ELOVL2: variants seen among roughly 807,000 people sequenced by gnomAD.
ELOVL2 encodes ELOVL fatty acid elongase 2.
Under a neutral mutation model 37.7 loss-of-function variants are expected in ELOVL2, and 38 were observed. That is an observed-to-expected ratio of 1.01 (90% CI 0.78 to 1.32). The LOEUF (loss-of-function observed/expected upper bound fraction) is 1.32. Among genes scored for constraint, ELOVL2 ranks in the 40% most tolerant of loss-of-function variants. ELOVL2 has a pLI of 0.00. For missense variants in ELOVL2, 352 were observed against 363.6 expected, an observed-to-expected ratio of 0.97 and a Z score of 0.26; for synonymous variants, 115 against 122.3, an observed-to-expected ratio of 0.94 and a Z score of 0.40.
chr6:11,026,582 CT>C (rs1213959041), intron 1 of ELOVL2, among the ~76,000 whole-genome samples: 2 of 152,184 alleles, frequency 1.3e-5, no homozygotes, highest in African/African-American at 4.8e-5. Flanking sequence ...GAAACTGATT[CT>C]TAGAGAGCCT....
intron 4 of ELOVL2, among the ~76,000 whole-genome samples, chr6:10,997,080 G>A (rs1474373758): frequency 6.6e-6 from 1 of 152,106 alleles, no homozygotes; most frequent in Non-Finnish European, 1.5e-5. Context: ...TTAATAATAT[G>A]TCATGTTTAG....
At chr6:11,001,020 T>C (rs1467005934) in intron 3 of ELOVL2, among the ~76,000 whole-genome samples, 2 of 152,208 alleles carry the variant, frequency 1.3e-5, no homozygotes, top group Non-Finnish European at 2.9e-5. Context: ...ATATAAGGCA[T>C]TTGGGATTGA....
chr6:11,000,213 T>C (rs774802069), intron 3 of ELOVL2, 49 bp from the exon 4 acceptor site: 15 of 1,537,652 alleles, frequency 9.8e-6, no homozygotes, highest in Admixed American at 3.4e-5. Flanking sequence ...GCACAAGAAT[T>C]TGGATACAGA....
rs937706922 is a variant in ELOVL2, at chr6:10,982,527, G to A, written c.*1254C>T. On this transcript the variant is annotated 3_prime_UTR_variant, in exon 8 of 8. Transcript: ENST00000354666. ...AAAATATTCTTTGTTTCCATTCTTG[G>A]TAGAGTTTAGTAGTGAGTAACAGTC... is the stretch of plus-strand genomic sequence containing the variant. The A allele has an allele frequency of 2.6e-5, 4 of 152,030 alleles. No individual in the cohort carries two copies. The highest frequency in any genetic ancestry group is 9.7e-5 in the African/African-American group (4 of 41,386). 9.4% of individuals were successfully genotyped at this position (152,030 alleles called of 1,614,324 possible).
intron 2 of ELOVL2, among the ~76,000 whole-genome samples, chr6:11,008,099 A>G (rs1782509819): frequency 6.6e-6 from 1 of 152,050 alleles, no homozygotes; most frequent in African/African-American, 2.4e-5. Flanking sequence ...AGAGGCTAGG[A>G]GACACCGAGA....
In ELOVL2 at chr6:11,010,786, A is replaced by C; in HGVS notation, c.27T>G (p.Asp9Glu). The part of the protein sequence containing the change: MEHLKAFD[D>E]EINAFLDNMF... The stretch of plus-strand genomic sequence containing the variant: ...TATTGTCCAAAAAAGCATTGATTTC[A>C]TCATCAAAGGCCTTTAGATGTTCCT... The change falls in exon 2 of 8, where the codon GAT (aspartate) becomes GAG (glutamate). Residue 9 changes from aspartate (D) to glutamate (E), a missense_variant. Physicochemically the swap from Asp to Glu is conservative, Grantham distance 45 (BLOSUM62 2). Transcript: ENST00000354666. The C allele has an allele frequency of 6.2e-7, 1 of 1,612,162 alleles. No homozygotes were observed. The highest frequency in any genetic ancestry group is 8.5e-7 in the Non-Finnish European group (1 of 1,179,492).
intron 2 of ELOVL2, among the ~76,000 whole-genome samples, chr6:11,006,973 T>G (rs1423517341): frequency 3.3e-5 from 5 of 152,274 alleles, no homozygotes; most frequent in African/African-American, 1.2e-4. Flanking sequence ...TATCATTTTC[T>G]AATTCACATA....
intron 4 of ELOVL2, among the ~76,000 whole-genome samples, chr6:10,995,404 C>T (rs565023317): frequency 2.5e-5 from 3 of 120,948 alleles, no homozygotes; most frequent in East Asian, 2.5e-4. Context: ...TGTGTGATCA[C>T]GTTCCTCCTC....
chr6:10,990,502 G>A, intron 5 of ELOVL2, 60 bp from the exon 6 acceptor site: 1 of 1,479,950 alleles, frequency 6.8e-7, no homozygotes, highest in Non-Finnish European at 9.0e-7. Context: ...ATTCTTCTTT[G>A]TCAAGTGAGA....
chr6:11,038,974 A>G (rs1007041645), intron 1 of ELOVL2, among the ~76,000 whole-genome samples: 4 of 152,060 alleles, frequency 2.6e-5, no homozygotes, highest in African/African-American at 9.7e-5. Flanking sequence ...GTACATATCC[A>G]ACTGTGTGTG....
At chr6:10,993,640 A>C (rs1381042196) in intron 5 of ELOVL2, among the ~76,000 whole-genome samples, 1 of 152,148 alleles carries the variant, frequency 6.6e-6, no homozygotes, top group African/African-American at 2.4e-5. Context: ...ATCATGTAAG[A>C]GTATATTGCT....
At chr6:11,011,264 G>T (rs1210289094) in intron 1 of ELOVL2, among the ~76,000 whole-genome samples, 1 of 151,978 alleles carries the variant, frequency 6.6e-6, no homozygotes, top group Non-Finnish European at 1.5e-5. Flanking sequence ...TACTCAGGAG[G>T]CTGAGGCAGA....
intron 1 of ELOVL2, among the ~76,000 whole-genome samples, chr6:11,016,325 C>A (rs993338637): frequency 1.3e-5 from 2 of 152,088 alleles, no homozygotes; most frequent in Non-Finnish European, 2.9e-5. Context: ...AAGACACATT[C>A]GATGAGAACA....
Position 10,989,691 on chromosome 6 carries a change from C to T in ELOVL2, c.765+12G>A, listed in dbSNP as rs529956586. On this transcript the variant is annotated intron_variant, in intron 7 of 7. Coordinates refer to ENST00000354666, the MANE Select transcript of ELOVL2 (RefSeq NM_017770.4). ...ATTACATTTTACTGCTGAATATTTACATTCCACGTACCTGAACGTAAAAAT... is the reference window on the plus strand; with the variant it reads ...ATTACATTTTACTGCTGAATATTTATATTCCACGTACCTGAACGTAAAAAT... 2.5e-6 allele frequency: 4 copies of T among 1,608,764 alleles called. No homozygotes were observed. Among genetic ancestry groups the T allele is most frequent in the East Asian group, 4.5e-5 (2 of 44,790 alleles).
At position 11,030,393 on chromosome 6, in the gene ELOVL2, G is replaced by A. The variant is rs890038057; in HGVS notation, c.3+13835C>T. ...CCCAGATCCTTATTTTTAACTTGGG[G>A]AAAAAGTGTAAAGGTATGAAAAAGT... On this transcript the variant is annotated intron_variant, in intron 1 of 7. Transcript: ENST00000354666. Among the ~76,000 whole-genome samples, 7 of 152,268 alleles carry A rather than the reference G, an allele frequency of 4.6e-5. No individual in the cohort carries two copies. The South Asian group carries it at 1.0e-3, about 23-fold the overall frequency.
rs1781988386 is a variant in ELOVL2, at chr6:10,983,797, TTCA to T, written c.872_874del (p.Met291del). On this transcript the variant is annotated inframe_deletion, in exon 8 of 8. Coordinates refer to ENST00000354666, the MANE Select transcript of ELOVL2 (RefSeq NM_017770.4). ...TACTCATTTTTATTGTGCTTTCTTG[TTCA>T]TCACTCCATTTGCTGCAGTGAAGTA... 1.2e-6 allele frequency: 2 copies of T among 1,609,232 alleles called. No homozygotes were observed. Among genetic ancestry groups the T allele is most frequent in the Non-Finnish European group, 1.7e-6 (2 of 1,178,830 alleles).
intron 1 of ELOVL2, among the ~76,000 whole-genome samples, chr6:11,043,241 GGGTGAGGCAA>G (rs1377535852): frequency 2.0e-5 from 3 of 152,086 alleles, no homozygotes; most frequent in Admixed American, 6.5e-5. Flanking sequence ...TACGGGAAGG[GGGTGAGGCAA>G]ACACTGAATA....
chr6:11,016,974 T>C (rs934599247), intron 1 of ELOVL2, among the ~76,000 whole-genome samples: 1 of 152,200 alleles, frequency 6.6e-6, no homozygotes, highest in African/African-American at 2.4e-5. Flanking sequence ...ACTACTATTC[T>C]CTGGAGGGAG....
intron 3 of ELOVL2, among the ~76,000 whole-genome samples, chr6:11,001,917 A>G (rs1782390378): frequency 6.6e-6 from 1 of 152,190 alleles, no homozygotes; most frequent in Non-Finnish European, 1.5e-5. Context: ...GCTTCTTCCC[A>G]TCTTCACCAC....
Sources: gnomAD v4.1 joint callset for allele counts (sites outside exome capture counted in the v4.1 genomes callset) on GRCh38, gnomAD v4.1.1 for gene constraint, MANE v1.5 for transcripts, NCBI Gene and HGNC (gene_info 2026-07-23, HGNC 2026-07-21) for gene names.